VAPB: variants seen among roughly 807,000 people sequenced by gnomAD.
The protein encoded by VAPB is VAMP associated protein B and C.
A neutral mutation model predicts 25.6 loss-of-function variants in VAPB; 7 were observed. The observed-to-expected ratio is 0.27, with a 90% CI of 0.16 to 0.51. VAPB has a LOEUF of 0.51. Ranked by LOEUF, VAPB falls within the 20% of genes least tolerant of loss-of-function variation. The probability of loss-of-function intolerance (pLI) is 0.97; values close to 1 mark genes in which losing one functional copy is unlikely to be tolerated. For missense variants in VAPB, 266 were observed against 301.3 expected, an observed-to-expected ratio of 0.88 and a Z score of 0.87; for synonymous variants, 112 against 109.2, an observed-to-expected ratio of 1.03 and a Z score of -0.16.
intron 1 of VAPB, among the ~76,000 whole-genome samples, chr20:58,391,294 T>G (rs1370506748): frequency 6.6e-6 from 1 of 152,070 alleles, no homozygotes; most frequent in African/African-American, 2.4e-5. Flanking sequence ...TCCCAGTACT[T>G]TAGGGAAGGG....
Position 58,441,030 on chromosome 20 carries a change from A to G in VAPB, c.520A>G (p.Lys174Glu). ...AGTTAAGAAGGTTATGGAAGAATGT[A>G]AGAGGCTGCAAGGTGAAGTTCAGAG... ...TEVKKVMEEC[K>E]RLQGEVQRLR... Residue 174 changes from lysine to glutamate, a missense_variant, in exon 5 of 6, where the codon AAG (lysine) becomes GAG (glutamate). Lys to Glu is a moderately conservative substitution (Grantham distance 56). This residue lies in a region of VAPB where 136 missense variants were observed against 130.7 expected (regional missense o/e 1.04). Coordinates refer to ENST00000475243, the MANE Select transcript of VAPB (RefSeq NM_004738.5). The G allele has an allele frequency of 2.5e-6, 4 of 1,614,120 alleles. No individual in the cohort carries two copies. The highest frequency in any genetic ancestry group is 2.5e-6 in the Non-Finnish European group (3 of 1,180,026).
At chr20:58,424,837 A>G (rs1237796605) in intron 2 of VAPB, among the ~76,000 whole-genome samples, 3 of 152,050 alleles carry the variant, frequency 2.0e-5, no homozygotes, top group Middle Eastern at 3.2e-3. Context: ...CACGAACTGG[A>G]AAATCCTGTA....
At position 58,448,789 on chromosome 20, in the gene VAPB, G is replaced by A. The variant is rs1475124496; in HGVS notation, c.*4554G>A. On this transcript the variant is annotated 3_prime_UTR_variant, in exon 6 of 6. Coordinates refer to ENST00000475243, the MANE Select transcript of VAPB (RefSeq NM_004738.5). Reference sequence around the variant, plus strand: ...GAACACACTACAGACAGTGAAAAAAGGTACATATTCCATTTTCTCATTGCC... The same window carrying A: ...GAACACACTACAGACAGTGAAAAAAAGTACATATTCCATTTTCTCATTGCC... 1 of 454,046 alleles carries A rather than the reference G, an allele frequency of 2.2e-6. No homozygotes were observed. The highest frequency in any genetic ancestry group is 2.3e-5 in the Admixed American group (1 of 42,580). 28.1% of individuals were successfully genotyped at this position (454,046 alleles called of 1,614,324 possible).
chr20:58,435,548 G>T (rs777874851), intron 3 of VAPB, among the ~76,000 whole-genome samples: 1 of 152,170 alleles, frequency 6.6e-6, no homozygotes, highest in African/African-American at 2.4e-5. Context: ...ACCTGAGTCC[G>T]CTGTTCATCA....
Position 58,389,464 on chromosome 20 carries a change from C to T in VAPB, c.5C>T (p.Ala2Val). 1.9e-6 allele frequency: 3 copies of T among 1,595,698 alleles called. No individual in the cohort carries two copies. Among genetic ancestry groups the T allele is most frequent in the Non-Finnish European group, 2.6e-6 (3 of 1,171,874 alleles). M[A>V]KVEQVLSLEP... ...GGTGCTCCGCCGCTAAGGAACATGGCGAAGGTGGAGCAGGTCCTGAGCCTC... is the reference window on the plus strand; with the variant it reads ...GGTGCTCCGCCGCTAAGGAACATGGTGAAGGTGGAGCAGGTCCTGAGCCTC... The change falls in exon 1 of 6, where the codon GCG becomes GTG. Residue 2 changes from alanine (A) to valine (V), a missense_variant. Physicochemically the swap from Ala to Val is moderately conservative, Grantham distance 64. This residue lies in a region of VAPB where 32 missense variants were observed against 23.5 expected (regional missense o/e 1.36). Coordinates refer to ENST00000475243, the MANE Select transcript of VAPB (RefSeq NM_004738.5).
intron 2 of VAPB, among the ~76,000 whole-genome samples, chr20:58,425,771 C>T (rs1988770579): frequency 6.6e-6 from 1 of 152,204 alleles, no homozygotes; most frequent in Non-Finnish European, 1.5e-5. Context: ...GCCCTGCTAA[C>T]ACAAAAATTC....
chr20:58,443,361 C>T (rs1054308882), intron 5 of VAPB, among the ~76,000 whole-genome samples: 3 of 147,958 alleles, frequency 2.0e-5, no homozygotes, highest in Admixed American at 2.0e-4. Context: ...ATCTACAGAG[C>T]TCTGCATTTG....
At chr20:58,395,730 C>G (rs985822833) in intron 1 of VAPB, among the ~76,000 whole-genome samples, 5 of 152,164 alleles carry the variant, frequency 3.3e-5, no homozygotes, top group African/African-American at 9.7e-5. Context: ...AGGCCCCTTT[C>G]AGGCTGTTAT....
chr20:58,432,974 G>T (rs1600811301), intron 2 of VAPB, among the ~76,000 whole-genome samples: 1 of 152,210 alleles, frequency 6.6e-6, no homozygotes, highest in Non-Finnish European at 1.5e-5. Context: ...CTTCAGGTGG[G>T]TCTTGTGGGC....
At chr20:58,408,988 A>G (rs1432025399) in intron 1 of VAPB, among the ~76,000 whole-genome samples, 1 of 150,094 alleles carries the variant, frequency 6.7e-6, no homozygotes, top group Non-Finnish European at 1.5e-5. Context: ...TAATGCTGGA[A>G]CAGGAGCAGC....
At chr20:58,392,991 G>C (rs1194020241) in intron 1 of VAPB, among the ~76,000 whole-genome samples, 1 of 152,162 alleles carries the variant, frequency 6.6e-6, no homozygotes, top group Non-Finnish European at 1.5e-5. Context: ...TTTTTAGTAA[G>C]TGAACATTAA....
chr20:58,402,961 T>C (rs1040021887), intron 1 of VAPB, among the ~76,000 whole-genome samples: 1 of 152,100 alleles, frequency 6.6e-6, no homozygotes, highest in Non-Finnish European at 1.5e-5. Flanking sequence ...GTCAAAATTA[T>C]GCCACTGCAC....
At position 58,448,945 on chromosome 20, in the gene VAPB, G is replaced by T. The variant is rs1302655637; in HGVS notation, c.*4710G>T. ...TTTACATGACTTGTAAATTAAATGT[G>T]AATGAGGGCAGTTGATTAAAATTGG... On this transcript the variant is annotated 3_prime_UTR_variant, in exon 6 of 6. Transcript: ENST00000475243. The T allele has an allele frequency of 2.2e-6, 1 of 454,002 alleles. No individual in the cohort carries two copies. The highest frequency in any genetic ancestry group is 4.4e-6 in the Non-Finnish European group (1 of 226,812). 28.1% of individuals were successfully genotyped at this position (454,002 alleles called of 1,614,324 possible).
chr20:58,422,114 C>T (rs952930135), intron 2 of VAPB, among the ~76,000 whole-genome samples: 1 of 152,188 alleles, frequency 6.6e-6, no homozygotes, highest in Non-Finnish European at 1.5e-5. Flanking sequence ...TTGCTTTAGG[C>T]CCTGGCCCCT....
chr20:58,414,717 C>T (rs1433646542), intron 1 of VAPB, among the ~76,000 whole-genome samples: 4 of 151,886 alleles, frequency 2.6e-5, no homozygotes, highest in African/African-American at 4.8e-5. Flanking sequence ...GGCGGCCGGT[C>T]GGAGACGCTC....
At chr20:58,443,118 A>G (rs965603544) in intron 5 of VAPB, among the ~76,000 whole-genome samples, 1 of 152,188 alleles carries the variant, frequency 6.6e-6, no homozygotes, top group Admixed American at 6.5e-5. Flanking sequence ...GTGGAGGTGA[A>G]GGAAGAAAAA....
chr20:58,399,687 A>G (rs1988047771), intron 1 of VAPB, among the ~76,000 whole-genome samples: 1 of 149,958 alleles, frequency 6.7e-6, no homozygotes, highest in Non-Finnish European at 1.5e-5. Flanking sequence ...TCTGCACTCC[A>G]GCCTGGGCTG....
At chr20:58,421,715 G>C (rs754318220) in intron 2 of VAPB, among the ~76,000 whole-genome samples, 4 of 152,060 alleles carry the variant, frequency 2.6e-5, no homozygotes, top group Non-Finnish European at 2.9e-5. Flanking sequence ...AGAAAGAGAG[G>C]AGGGAAGCAG....
chr20:58,394,395 C>G (rs1987896930), intron 1 of VAPB, among the ~76,000 whole-genome samples: 1 of 152,220 alleles, frequency 6.6e-6, no homozygotes. Flanking sequence ...ATGCCAAGTA[C>G]AGCATTAATT....
Sources: allele counts gnomAD v4.1 joint callset (sites outside exome capture counted in the v4.1 genomes callset), GRCh38; gene constraint gnomAD v4.1.1; regional missense constraint gnomAD v4.1.1; transcripts MANE v1.5; gene names NCBI Gene and HGNC (gene_info 2026-07-23, HGNC 2026-07-21).